Variants in UGT1A9 observed in about 807,000 individuals in gnomAD.
UGT1A9 encodes the protein UDP glucuronosyltransferase family 1 member A9, also known as UDP-glucuronosyltransferase 1A9.
A neutral mutation model predicts 45.0 loss-of-function variants in UGT1A9; 35 were observed. The ratio of observed to expected loss-of-function variants is 0.78; its 90% confidence interval spans 0.59 to 1.03. The LOEUF is 1.03. Among genes scored for constraint, UGT1A9 ranks in the 50% least tolerant of loss-of-function variants. The probability of loss-of-function intolerance (pLI) is 0.00; values close to 1 mark genes in which losing one functional copy is unlikely to be tolerated. For synonymous variants in UGT1A9, 278 were observed against 250.6 expected (o/e 1.11, Z -1.03); for missense variants, 687 against 666.6 (o/e 1.03, Z -0.34).
intron 1 of UGT1A9, among the ~76,000 whole-genome samples, chr2:233,722,482 A>G (rs1187534654): frequency 6.6e-6 from 1 of 151,926 alleles, no homozygotes; most frequent in Non-Finnish European, 1.5e-5. Context: ...TATTCTTTTC[A>G]CTGTTTCATT....
intron 1 of UGT1A9, among the ~76,000 whole-genome samples, chr2:233,677,084 T>C (rs2074380799): frequency 6.6e-6 from 1 of 152,174 alleles, no homozygotes; most frequent in African/African-American, 2.4e-5. Context: ...TGTGCAAAAA[T>C]CCTGCTAGGA....
chr2:233,757,057 G>C (rs1201778154), intron 1 of UGT1A9, among the ~76,000 whole-genome samples: 1 of 151,606 alleles, frequency 6.6e-6, no homozygotes, highest in African/African-American at 2.4e-5. Context: ...TTGGGGAACA[G>C]CAAGGGATCC....
intron 1 of UGT1A9, chr2:233,682,741 T>C (rs1443370388): frequency 1.1e-5 from 18 of 1,613,942 alleles, no homozygotes; most frequent in Non-Finnish European, 1.5e-5. Context: ...TGATGCCCAA[T>C]ATGATCTTCA....
chr2:233,674,644 ATATCTTT>A (rs886741854), intron 1 of UGT1A9, among the ~76,000 whole-genome samples: 2 of 117,220 alleles, frequency 1.7e-5, no homozygotes, highest in African/African-American at 5.4e-5. Context: ...TTGATTATAA[ATATCTTT>A]TATGAGATAT....
Position 233,767,146 on chromosome 2 carries a change from T to C in UGT1A9, c.968T>C (p.Leu323Ser), listed in dbSNP as rs372326047. ...EKKAMAIADA[L>S]GKIPQTVLWR... The stretch of plus-strand genomic sequence containing the variant: ...AAAGCTATGGCAATTGCTGATGCTT[T>C]GGGCAAAATCCCTCAGACAGTAAGA... Residue 323 changes from leucine (L) to serine (S), a missense_variant, in exon 2 of 5, where the codon TTG (leucine) becomes TCG (serine). Transcript: ENST00000354728. 1 of 1,614,014 alleles carries C rather than the reference T, an allele frequency of 6.2e-7. No individual in the cohort carries two copies. Among genetic ancestry groups the C allele is most frequent in the Admixed American group, 1.7e-5 (1 of 60,006 alleles).
chr2:233,685,447 A>G (rs1181994431), intron 1 of UGT1A9, among the ~76,000 whole-genome samples: 1 of 152,220 alleles, frequency 6.6e-6, no homozygotes, highest in African/African-American at 2.4e-5. Flanking sequence ...AGCTGAATCT[A>G]CACCATCTAG....
chr2:233,703,455 C>T (rs971722755), intron 1 of UGT1A9, among the ~76,000 whole-genome samples: 4 of 151,966 alleles, frequency 2.6e-5, no homozygotes, highest in African/African-American at 4.8e-5. Flanking sequence ...TTAATTTCCC[C>T]TCTATTCTTT....
chr2:233,746,855 T>A (rs1362666040), intron 1 of UGT1A9, among the ~76,000 whole-genome samples: 2 of 151,774 alleles, frequency 1.3e-5, no homozygotes, highest in Non-Finnish European at 2.9e-5. Flanking sequence ...AGACCTCAGC[T>A]GCAGCCTGAT....
At chr2:233,689,291 C>T (rs1219127255) in intron 1 of UGT1A9, among the ~76,000 whole-genome samples, 1 of 151,482 alleles carries the variant, frequency 6.6e-6, no homozygotes, top group Non-Finnish European at 1.5e-5. Flanking sequence ...CTGGGGTTCA[C>T]TCACCCAGCA....
chr2:233,715,223 G>C (rs1337084443), intron 1 of UGT1A9, among the ~76,000 whole-genome samples: 1 of 152,008 alleles, frequency 6.6e-6, no homozygotes, highest in Non-Finnish European at 1.5e-5. Flanking sequence ...TACTGAATCT[G>C]CCCAATTCTG....
chr2:233,721,854 C>A, intron 1 of UGT1A9: 1 of 513,502 alleles, frequency 1.9e-6, no homozygotes. Flanking sequence ...AGCCCCACTG[C>A]TCGGCCCTGG....
intron 1 of UGT1A9, among the ~76,000 whole-genome samples, chr2:233,725,748 A>G (rs530176387): frequency 3.9e-5 from 6 of 152,300 alleles, no homozygotes; most frequent in African/African-American, 1.4e-4. Context: ...ACATTGTAAG[A>G]GACTTACATT....
chr2:233,735,838 C>T (rs1278519081), intron 1 of UGT1A9, among the ~76,000 whole-genome samples: 2 of 152,038 alleles, frequency 1.3e-5, no homozygotes, highest in Non-Finnish European at 2.9e-5. Context: ...AATATTGGCC[C>T]CCACTCTCTT....
intron 1 of UGT1A9, among the ~76,000 whole-genome samples, chr2:233,706,453 A>G (rs919599905): frequency 2.6e-5 from 4 of 152,254 alleles, no homozygotes; most frequent in Non-Finnish European, 5.9e-5. Context: ...GCAAATGACC[A>G]TTGAGGTTTC....
chr2:233,694,538 T>C (rs530909274), intron 1 of UGT1A9, among the ~76,000 whole-genome samples: 2 of 152,192 alleles, frequency 1.3e-5, no homozygotes, highest in African/African-American at 4.8e-5. Context: ...CAGAGTTACT[T>C]TGGAAAATAA....
chr2:233,680,433 C>T (rs1172149473), intron 1 of UGT1A9, among the ~76,000 whole-genome samples: 1 of 152,128 alleles, frequency 6.6e-6, no homozygotes, highest in Non-Finnish European at 1.5e-5. Flanking sequence ...GTAGTATGTA[C>T]TAGAGGAAAG....
chr2:233,742,208 G>A (rs1691908549), intron 1 of UGT1A9, among the ~76,000 whole-genome samples: 1 of 152,036 alleles, frequency 6.6e-6, no homozygotes, highest in South Asian at 2.1e-4. Flanking sequence ...GGGACTCACA[G>A]CCTTCAGGGC....
intron 1 of UGT1A9, chr2:233,690,573 T>C (rs1453972906): frequency 7.8e-6 from 10 of 1,288,356 alleles, no homozygotes; most frequent in South Asian, 1.2e-5. Flanking sequence ...TCATTCAGCC[T>C]GCAGCAATCC....
At chr2:233,748,018 T>C in intron 1 of UGT1A9, 1 of 1,613,548 alleles carries the variant, frequency 6.2e-7, no homozygotes, top group East Asian at 2.2e-5. Context: ...CCCAGGCCGA[T>C]CATGCCCAAC....
Sources: gnomAD v4.1 joint callset for allele counts (sites outside exome capture counted in the v4.1 genomes callset) on GRCh38, gnomAD v4.1.1 for gene constraint, MANE v1.5 for transcripts, NCBI Gene and HGNC (gene_info 2026-07-23, HGNC 2026-07-21) for gene names.